The following ERCC6L2 variants were observed in gnomAD, a reference collection of about 807,000 sequenced individuals.
ERCC6L2 encodes DNA excision repair protein ERCC-6-like 2.
ERCC6L2 carries 77 observed loss-of-function variants against 132.0 expected under a neutral mutation model. The observed-to-expected ratio is 0.58, with a 90% CI of 0.49 to 0.71. The LOEUF is 0.71. Among genes scored for constraint, ERCC6L2 ranks in the 30% least tolerant of loss-of-function variants. ERCC6L2 has a pLI of 0.00. For synonymous variants in ERCC6L2, 583 were observed against 632.4 expected (o/e 0.92, Z 1.17); for missense variants, 1,542 against 1,837.6 (o/e 0.84, Z 2.94).
rs936556783 is a variant in ERCC6L2 at position 95,906,973 on chromosome 9, G to A, written c.595-105G>A. 4.0e-6 allele frequency: 3 copies of A among 743,890 alleles called. No individual in the cohort carries two copies. The Admixed American group carries it at 8.4e-5, about 21-fold the overall frequency. 46.1% of individuals were successfully genotyped at this position (743,890 alleles called of 1,614,324 possible). ...TTGTATTTATTGTTACTAACTAGAT[G>A]TCAAAATTAAGGAAGAGGACTATTG... On this transcript the variant is annotated intron_variant, in intron 3 of 18. Coordinates refer to ENST00000653738, the MANE Select transcript of ERCC6L2 (RefSeq NM_020207.7).
chr9:95,888,337 CAG>C (rs773099140), intron 2 of ERCC6L2, among the ~76,000 whole-genome samples: 22 of 152,112 alleles, frequency 1.4e-4, no homozygotes, highest in Admixed American at 3.9e-4. Flanking sequence ...GTTGGCTTGA[CAG>C]AGTTTAGAAA....
intron 12 of ERCC6L2, among the ~76,000 whole-genome samples, chr9:95,953,269 A>T (rs1255046375): frequency 6.6e-6 from 1 of 152,134 alleles, no homozygotes; most frequent in Non-Finnish European, 1.5e-5. Flanking sequence ...AAGAGAGAAA[A>T]ATTTGCTATT....
chr9:95,897,856 C>G lies in ERCC6L2; in HGVS notation c.479C>G (p.Ser160Ter). The G allele has an allele frequency of 6.2e-7, 1 of 1,612,422 alleles. No individual in the cohort carries two copies. The highest frequency in any genetic ancestry group is 1.1e-5 in the South Asian group (1 of 90,872). The change falls in exon 3 of 19, where the codon TCA becomes TGA. Residue 160 changes from serine (S) to a stop codon, truncating the protein, a stop_gained. Coordinates refer to ENST00000653738, the MANE Select transcript of ERCC6L2 (RefSeq NM_020207.7). LOFTEE classifies it high-confidence loss of function. ...AAAGTCTTTTTTCCCCAGGTTATTT[C>G]ATTTCTGGCTGCAGTTTTGCATAAA... ...MGLGKTVQVI[S>*]FLAAVLHKKG...
intron 16 of ERCC6L2, among the ~76,000 whole-genome samples, chr9:95,977,491 AT>A (rs1832719533): frequency 6.6e-6 from 1 of 152,160 alleles, no homozygotes; most frequent in African/African-American, 2.4e-5. Context: ...AATTGTAGCC[AT>A]TTTTTAAACC....
At chr9:96,023,909 C>T (rs937082056) in intron 19 of ERCC6L2, among the ~76,000 whole-genome samples, 1 of 152,170 alleles carries the variant, frequency 6.6e-6, no homozygotes, top group African/African-American at 2.4e-5. Context: ...CTGAGATATC[C>T]CTCCAGTGAA....
chr9:95,979,697 T>C (rs1832816315), intron 17 of ERCC6L2, among the ~76,000 whole-genome samples: 2 of 152,330 alleles, frequency 1.3e-5, no homozygotes, highest in South Asian at 2.1e-4. Context: ...TTTATACTCA[T>C]CTTCTCATTT....
chr9:95,994,169 G>A (rs1017164664), intron 17 of ERCC6L2, among the ~76,000 whole-genome samples: 3 of 152,212 alleles, frequency 2.0e-5, no homozygotes, highest in African/African-American at 7.2e-5. Context: ...GGCATGATCA[G>A]GTGGATATGA....
intron 18 of ERCC6L2, among the ~76,000 whole-genome samples, chr9:96,005,958 T>C (rs547741799): frequency 1.3e-5 from 2 of 152,282 alleles, no homozygotes; most frequent in South Asian, 4.1e-4. Flanking sequence ...ATTACTTCTT[T>C]CTGTTTTGAG....
At chr9:95,954,810 G>A in intron 12 of ERCC6L2, 1 of 471,164 alleles carries the variant, frequency 2.1e-6, no homozygotes, top group Non-Finnish European at 4.4e-6. Flanking sequence ...TGAGAATGCA[G>A]TACCTTACCC....
intron 14 of ERCC6L2, 106 bp downstream of exon 14, chr9:95,966,820 TTTTC>T (rs1476461606): frequency 5.2e-6 from 5 of 959,944 alleles, no homozygotes; most frequent in East Asian, 3.0e-5. Context: ...AAACTTTTGG[TTTTC>T]TTTATCAAAA....
chr9:96,005,499 G>A (rs1284311777), intron 18 of ERCC6L2, among the ~76,000 whole-genome samples: 1 of 152,074 alleles, frequency 6.6e-6, no homozygotes, highest in Non-Finnish European at 1.5e-5. Context: ...AGGGAAGACT[G>A]TCTACATGGG....
intron 19 of ERCC6L2, among the ~76,000 whole-genome samples, chr9:96,034,816 C>G (rs1834501528): frequency 6.6e-6 from 1 of 152,132 alleles, no homozygotes; most frequent in African/African-American, 2.4e-5. Flanking sequence ...CCGAGCCTCT[C>G]TGTGCTCTTG....
Position 95,928,124 on chromosome 9 carries a change from GTTC to G in ERCC6L2, c.1584_1586del (p.Leu529del), listed in dbSNP as rs760962931. The stretch of plus-strand genomic sequence containing the variant: ...TCATTGCAGGAAAAACAGAGATAAA[GTTC>G]TTCTCTTTTCTTTTTCCACCAAGGT... On this transcript the variant is annotated inframe_deletion, in exon 10 of 19. Coordinates refer to ENST00000653738, the MANE Select transcript of ERCC6L2 (RefSeq NM_020207.7). The G allele has an allele frequency of 1.9e-6, 3 of 1,612,548 alleles. No homozygotes were observed.
intron 11 of ERCC6L2, among the ~76,000 whole-genome samples, chr9:95,937,903 G>T (rs1830627323): frequency 6.6e-6 from 1 of 150,418 alleles, no homozygotes. Context: ...CAGATTATTG[G>T]TTTGAGACCT....
chr9:96,021,486 AC>A (rs1807279107), downstream of ERCC6L2: 4 of 175,654 alleles, frequency 2.3e-5, no homozygotes, highest in South Asian at 5.5e-4. This position sits in a 1 kb window ranked among gnomAD's most constrained non-coding sequence, Gnocchi z 4.7. Context: ...GGTTCTCCGG[AC>A]CCCCGCGGCC....
At chr9:95,963,976 A>T (rs1479194053) in intron 13 of ERCC6L2, among the ~76,000 whole-genome samples, 1 of 152,096 alleles carries the variant, frequency 6.6e-6, no homozygotes, top group Non-Finnish European at 1.5e-5. Flanking sequence ...CTCCACTGCA[A>T]AGTTACTATT....
At chr9:95,898,815 A>T (rs1189734666) in intron 3 of ERCC6L2, among the ~76,000 whole-genome samples, 1 of 152,194 alleles carries the variant, frequency 6.6e-6, no homozygotes, top group African/African-American at 2.4e-5. Flanking sequence ...ACTCTTGTCT[A>T]TCATAAAGAC....
At chr9:95,895,685 T>C (rs1470878155) in intron 2 of ERCC6L2, among the ~76,000 whole-genome samples, 1 of 151,796 alleles carries the variant, frequency 6.6e-6, no homozygotes, top group Admixed American at 6.6e-5. Context: ...ATATTATAAC[T>C]ACACTTGTGC....
intron 19 of ERCC6L2, among the ~76,000 whole-genome samples, chr9:96,028,633 C>T (rs527774990): frequency 1.3e-5 from 2 of 152,254 alleles, no homozygotes; most frequent in African/African-American, 4.8e-5. Flanking sequence ...TGGCTGTTCC[C>T]CTTTTCCTTC....
Sources: gnomAD v4.1 joint callset for allele counts (sites outside exome capture counted in the v4.1 genomes callset) on GRCh38, gnomAD v4.1.1 for gene constraint, Gnocchi (gnomAD v3.1) non-coding constraint, MANE v1.5 for transcripts, NCBI Gene and HGNC (gene_info 2026-07-23, HGNC 2026-07-21) for gene names.